Variants in CFAP20DC observed in about 807,000 individuals in gnomAD.
CFAP20DC encodes protein CFAP20DC.
Under a neutral mutation model 101.7 loss-of-function variants are expected in CFAP20DC, and 84 were observed. That is an observed-to-expected ratio of 0.83 (90% CI 0.69 to 0.99). CFAP20DC has a LOEUF of 0.99. Among genes scored for constraint, CFAP20DC ranks in the 50% least tolerant of loss-of-function variants. The probability of loss-of-function intolerance (pLI) is 0.00; values close to 1 mark genes in which losing one functional copy is unlikely to be tolerated. For missense variants in CFAP20DC, 1,007 were observed against 970.3 expected, an observed-to-expected ratio of 1.04 and a Z score of -0.50; for synonymous variants, 359 against 351.2, an observed-to-expected ratio of 1.02 and a Z score of -0.25.
Position 58,820,330 on chromosome 3 carries a change from T to C in CFAP20DC, c.2175+11356A>G, listed in dbSNP as rs1302783940. On this transcript the variant is annotated intron_variant, in intron 14 of 16. Transcript: ENST00000482387. ...GGAGAAGGAAATAAAGGGTATTCAA[T>C]TAGGAAAAGAGGAAGTCAAATTGTC... Among the ~76,000 whole-genome samples the C allele has an allele frequency of 1.8e-3, 271 of 149,742 alleles. 1 individual carries two copies. Among genetic ancestry groups the C allele is most frequent in the African/African-American group, 6.5e-3 (264 of 40,536 alleles).
At chr3:59,034,976 G>C (rs2094069780) in intron 4 of CFAP20DC, among the ~76,000 whole-genome samples, 1 of 152,096 alleles carries the variant, frequency 6.6e-6, no homozygotes. Flanking sequence ...CAAAAGAATG[G>C]AAATCATAAC....
intron 15 of CFAP20DC, among the ~76,000 whole-genome samples, chr3:58,756,788 C>T (rs2068992068): frequency 6.6e-6 from 1 of 152,022 alleles, no homozygotes. Flanking sequence ...TTTTTATTCC[C>T]TTTCTTAAGC....
intron 4 of CFAP20DC, among the ~76,000 whole-genome samples, chr3:59,024,568 T>C (rs1307478805): frequency 2.0e-5 from 3 of 152,178 alleles, no homozygotes; most frequent in Admixed American, 2.0e-4. Context: ...CAGTCATTTC[T>C]ATGAATCCAA....
At chr3:58,893,879 A>C (rs1447577493) in intron 6 of CFAP20DC, among the ~76,000 whole-genome samples, 2 of 152,102 alleles carry the variant, frequency 1.3e-5, no homozygotes, top group Non-Finnish European at 2.9e-5. Flanking sequence ...AAGAGGTTTA[A>C]TGGAGAACTC....
intron 16 of CFAP20DC, among the ~76,000 whole-genome samples, chr3:58,742,967 A>G (rs891948369): frequency 3.9e-5 from 6 of 152,264 alleles, no homozygotes; most frequent in Non-Finnish European, 8.8e-5. Flanking sequence ...AATGCAAAAC[A>G]GTGCAAACTA....
intron 15 of CFAP20DC, among the ~76,000 whole-genome samples, chr3:58,791,667 C>T (rs1424791856): frequency 6.6e-6 from 1 of 151,986 alleles, no homozygotes; most frequent in East Asian, 1.9e-4. Context: ...AACAAAAAAC[C>T]CTCAAATCTC....
chr3:58,888,527 A>G (rs1397386591), intron 6 of CFAP20DC, among the ~76,000 whole-genome samples: 4 of 152,194 alleles, frequency 2.6e-5, no homozygotes, highest in African/African-American at 4.8e-5. Context: ...TATTAAGCCC[A>G]GCATCCATTA....
rs752021547 is a variant in CFAP20DC, at chr3:58,937,761, T to G, written c.280A>C (p.Ile94Leu). ...LGQDFSTELL[I>L]TDLGNIKRRL... ...CTTTTGATGTTCCCTAAATCAGTAA[T>G]TCTGAAAACATGGAGGAGAGAAGAC... is the stretch of plus-strand genomic sequence containing the variant. The change falls in exon 5 of 17, where the codon ATT becomes CTT. Residue 94 changes from isoleucine to leucine, a missense_variant and splice_region_variant. By Grantham distance (5) the Ile-to-Leu change is conservative (BLOSUM62 2). Coordinates refer to ENST00000482387, the MANE Select transcript of CFAP20DC (RefSeq NM_001394063.1). 3.3e-6 allele frequency: 5 copies of G among 1,521,244 alleles called. No individual in the cohort carries two copies. The highest frequency in any genetic ancestry group is 4.6e-6 in the Non-Finnish European group (5 of 1,096,638). The allele number at this position is 1,521,244 out of a possible 1,614,324, so 94.2% of individuals were successfully genotyped here.
intron 13 of CFAP20DC, among the ~76,000 whole-genome samples, chr3:58,834,488 CTTAT>C: frequency 6.6e-6 from 1 of 152,262 alleles, no homozygotes; most frequent in Non-Finnish European, 1.5e-5. Context: ...ATTCAATTTA[CTTAT>C]TTAATCCACA....
At chr3:58,725,020 G>T (rs1406726097) in intron 3 of CFAP20DC, among the ~76,000 whole-genome samples, 2 of 152,170 alleles carry the variant, frequency 1.3e-5, no homozygotes, top group Non-Finnish European at 1.5e-5. Context: ...GGGTTATGTT[G>T]ATATTAATGA....
chr3:58,930,883 G>C (rs771878960), intron 5 of CFAP20DC, among the ~76,000 whole-genome samples: 3 of 152,274 alleles, frequency 2.0e-5, no homozygotes, highest in Non-Finnish European at 2.9e-5. Context: ...CTGAGGTACC[G>C]GGTTCATCTC....
chr3:58,857,992 G>A (rs1367151408), intron 12 of CFAP20DC, among the ~76,000 whole-genome samples: 1 of 152,228 alleles, frequency 6.6e-6, no homozygotes, highest in Middle Eastern at 3.4e-3. Context: ...TTATGTGCAT[G>A]AGAAGTTAGT....
At chr3:58,784,158 T>C (rs1277916905) in intron 15 of CFAP20DC, among the ~76,000 whole-genome samples, 1 of 152,014 alleles carries the variant, frequency 6.6e-6, no homozygotes, top group Non-Finnish European at 1.5e-5. Context: ...TAGTGCCCAC[T>C]TATGAGTGAG....
At chr3:58,787,991 G>A (rs373127170) in intron 15 of CFAP20DC, among the ~76,000 whole-genome samples, 41 of 151,202 alleles carry the variant, frequency 2.7e-4, no homozygotes, top group African/African-American at 9.5e-4. Flanking sequence ...CTGTTGGGGG[G>A]TGGGGTGCTA....
rs780922221 is a variant in CFAP20DC at position 58,913,628 on chromosome 3, A to C, written c.550+80T>G. 12 of 1,398,322 alleles carry C rather than the reference A, an allele frequency of 8.6e-6. No homozygotes were observed. The Admixed American group carries it at 2.0e-4, about 23-fold the overall frequency. The allele number at this position is 1,398,322 out of a possible 1,614,324, so 86.6% of individuals were successfully genotyped here. A position where few individuals can be genotyped will look rare whatever the true frequency, so the allele number is the denominator to read the frequency against. ...ACATAACATCAAACTGCTACCACAC[A>C]CTCATACTATCCCAAAGGTATGGCT... On this transcript the variant is annotated intron_variant, in intron 6 of 16. Transcript: ENST00000482387. The surrounding 1 kb of genome is among the most constrained non-coding windows in gnomAD (Gnocchi z 4.4).
chr3:58,936,271 A>G lies in CFAP20DC; in HGVS notation c.393+1377T>C, dbSNP rs555823212. Among the ~76,000 whole-genome samples, 618 of 152,256 alleles carry G rather than the reference A, an allele frequency of 4.1e-3. 7 individuals are homozygous for G. The highest frequency in any genetic ancestry group is 0.014 in the African/African-American group (599 of 41,526). On this transcript the variant is annotated intron_variant, in intron 5 of 16. Coordinates refer to ENST00000482387, the MANE Select transcript of CFAP20DC (RefSeq NM_001394063.1). ...ATGGCAATCATTAAAAAGTCAGGAA[A>G]CAACAGGTGCTGGAGAGGATGTGGA...
chr3:58,814,375 C>T (rs1443620300), intron 14 of CFAP20DC, among the ~76,000 whole-genome samples: 1 of 151,656 alleles, frequency 6.6e-6, no homozygotes, highest in East Asian at 1.9e-4. Context: ...TAAGAGCTAT[C>T]TATGACAAAC....
chr3:58,869,924 A>G lies in CFAP20DC; in HGVS notation c.852+249T>C, dbSNP rs888702297. Among the ~76,000 whole-genome samples the G allele has an allele frequency of 6.6e-6, 1 of 152,280 alleles. No homozygotes were observed. The highest frequency in any genetic ancestry group is 2.4e-5 in the African/African-American group (1 of 41,472). ...ATATTTGCCTTTAAATTTTGTGAAC[A>G]TATTTAATGAAAAGAATACTCGAAA... On this transcript the variant is annotated intron_variant, in intron 8 of 16. Transcript: ENST00000482387. The surrounding 1 kb of genome is among the most constrained non-coding windows in gnomAD (Gnocchi z 4.3).
At chr3:58,767,451 A>G (rs1400316181) in intron 15 of CFAP20DC, among the ~76,000 whole-genome samples, 1 of 152,256 alleles carries the variant, frequency 6.6e-6, no homozygotes, top group African/African-American at 2.4e-5. Context: ...AAACTAAAAC[A>G]TATAGAAAGT....
Sources: allele counts gnomAD v4.1 joint callset (sites outside exome capture counted in the v4.1 genomes callset), GRCh38; gene constraint gnomAD v4.1.1; non-coding constraint Gnocchi (gnomAD v3.1); transcripts MANE v1.5; gene names NCBI Gene and HGNC (gene_info 2026-07-23, HGNC 2026-07-21).